Variants in PTPRD observed in about 807,000 individuals in gnomAD.
PTPRD encodes receptor-type tyrosine-protein phosphatase delta.
In PTPRD, 34 loss-of-function variants were observed where a neutral mutation model predicts 214.5. That is an observed-to-expected ratio of 0.16 (90% CI 0.12 to 0.21). The LOEUF (loss-of-function observed/expected upper bound fraction) is 0.21, where lower values mean the gene tolerates loss of function less well. PTPRD is among the 10% of genes least tolerant of loss of function. PTPRD has a pLI of 1.00. For missense variants in PTPRD, 2,545 were observed against 2,398.7 expected (o/e 1.06, Z -1.27); for synonymous variants, 1,128 against 845.7 (o/e 1.33, Z -5.79).
intron 5 of PTPRD, among the ~76,000 whole-genome samples, chr9:9,874,754 C>T (rs933442031): frequency 6.6e-6 from 1 of 152,120 alleles, no homozygotes; most frequent in African/African-American, 2.4e-5. Context: ...TGAATTAATG[C>T]TTATTCACAT....
chr9:8,353,830 A>ATGTGTATATATGTATATATGTATATATG lies in PTPRD; in HGVS notation c.4662-11853_4662-11852insCATATATACATATATACATATATACACA, dbSNP rs139972204. On this transcript the variant is annotated intron_variant, in intron 39 of 45. Transcript: ENST00000381196. ...TTCTCAAAAAAAAATATATGTATAT[A>ATGTGTATATATGTATATATGTATATATG]TGTATATATGTATATATGTATATAT... 1.1e-4 allele frequency among the ~76,000 whole-genome samples: 3 copies of ATGTGTATATATGTATATATGTATATATG among 27,672 alleles called. 1 individual carries two copies. The highest frequency in any genetic ancestry group is 3.5e-4 in the Non-Finnish European group (3 of 8,688). 18.2% of individuals were successfully genotyped at this position (27,672 alleles called of 152,430 possible).
At chr9:9,510,237 A>T (rs916800078) in intron 8 of PTPRD, among the ~76,000 whole-genome samples, 3 of 151,624 alleles carry the variant, frequency 2.0e-5, no homozygotes, top group Non-Finnish European at 4.4e-5. Flanking sequence ...ATGATCCTAC[A>T]TTAAAGTCAT....
chr9:9,356,748 G>A (rs1357514016), intron 9 of PTPRD, among the ~76,000 whole-genome samples: 1 of 151,266 alleles, frequency 6.6e-6, no homozygotes, highest in African/African-American at 2.4e-5. Flanking sequence ...CATTTGCAAA[G>A]ACAATACTCC....
chr9:9,847,267 T>C (rs967618191), intron 5 of PTPRD, among the ~76,000 whole-genome samples: 9 of 152,142 alleles, frequency 5.9e-5, no homozygotes, highest in Non-Finnish European at 1.2e-4. Context: ...TATTTTCACT[T>C]CAATGGGACA....
intron 3 of PTPRD, among the ~76,000 whole-genome samples, chr9:10,144,937 C>A (rs757426978): frequency 6.6e-6 from 1 of 151,614 alleles, no homozygotes; most frequent in Non-Finnish European, 1.5e-5. Flanking sequence ...ACTCAACCAA[C>A]AAGAAAAGTA....
At chr9:9,856,165 T>C (rs2061515640) in intron 5 of PTPRD, among the ~76,000 whole-genome samples, 1 of 152,134 alleles carries the variant, frequency 6.6e-6, no homozygotes, top group Non-Finnish European at 1.5e-5. Context: ...AGTTGCACCG[T>C]CAAGCTGTCC....
At chr9:10,056,784 G>A (rs137937500) in intron 3 of PTPRD, among the ~76,000 whole-genome samples, 20 of 152,150 alleles carry the variant, frequency 1.3e-4, no homozygotes, top group African/African-American at 4.8e-4. Flanking sequence ...TTATATCATG[G>A]GAATAAATTA....
chr9:8,916,113 A>G (rs12551480), intron 11 of PTPRD, among the ~76,000 whole-genome samples: 23,690 of 152,062 alleles, frequency 0.16, 2,143 homozygotes, highest in East Asian at 0.29. Flanking sequence ...GTTTGTGATG[A>G]CTCAGTGACA....
At chr9:10,306,512 CAA>C (rs983298515) in intron 3 of PTPRD, among the ~76,000 whole-genome samples, 14 of 152,046 alleles carry the variant, frequency 9.2e-5, no homozygotes, top group African/African-American at 2.9e-4. Flanking sequence ...CCACACAGAG[CAA>C]AGTTTTTCAA....
intron 11 of PTPRD, among the ~76,000 whole-genome samples, chr9:9,007,461 T>C (rs1450193053): frequency 5.0e-5 from 5 of 99,784 alleles, no homozygotes; most frequent in African/African-American, 1.5e-4. Flanking sequence ...CCCTGAAGAA[T>C]TTTAAAAATA....
At chr9:8,514,355 A>G (rs2097744227) in intron 21 of PTPRD, among the ~76,000 whole-genome samples, 1 of 152,168 alleles carries the variant, frequency 6.6e-6, no homozygotes, top group African/African-American at 2.4e-5. Context: ...TCTTCCTACC[A>G]TCAGAAAATA....
chr9:9,584,141 T>C (rs1475815397), intron 7 of PTPRD, among the ~76,000 whole-genome samples: 1 of 151,860 alleles, frequency 6.6e-6, no homozygotes, highest in Non-Finnish European at 1.5e-5. Context: ...GAAGCTTCAT[T>C]TTAGTAATAC....
intron 9 of PTPRD, among the ~76,000 whole-genome samples, chr9:9,265,034 C>G (rs1340651136): frequency 6.6e-6 from 1 of 151,746 alleles, no homozygotes; most frequent in African/African-American, 2.4e-5. Flanking sequence ...ACAAGAAATG[C>G]TAAAGCATAT....
intron 36 of PTPRD, among the ~76,000 whole-genome samples, chr9:8,402,086 C>G (rs1400181497): frequency 6.6e-6 from 1 of 152,130 alleles, no homozygotes; most frequent in Non-Finnish European, 1.5e-5. Context: ...CTCAAGAATA[C>G]CTGCTGGTTA....
At chr9:10,125,368 T>C (rs1057084713) in intron 3 of PTPRD, among the ~76,000 whole-genome samples, 1 of 150,534 alleles carries the variant, frequency 6.6e-6, no homozygotes, top group Non-Finnish European at 1.5e-5. Flanking sequence ...CATTTCTTTT[T>C]TCTTTTCGTT....
intron 9 of PTPRD, among the ~76,000 whole-genome samples, chr9:9,283,494 T>C (rs1045909476): frequency 1.1e-4 from 17 of 151,436 alleles, no homozygotes; most frequent in Admixed American, 6.0e-4. Context: ...TTATATTTTC[T>C]TTTTTACAGA....
intron 6 of PTPRD, among the ~76,000 whole-genome samples, chr9:9,750,619 C>T (rs1164173654): frequency 6.6e-6 from 1 of 152,074 alleles, no homozygotes; most frequent in Non-Finnish European, 1.5e-5. Context: ...GAGGTTTGCA[C>T]TAGGGGTGTG....
intron 6 of PTPRD, among the ~76,000 whole-genome samples, chr9:9,739,577 C>CT (rs1320067907): frequency 2.6e-5 from 4 of 151,916 alleles, no homozygotes; most frequent in African/African-American, 9.6e-5. Flanking sequence ...CTTGAATCCT[C>CT]TATTTTTTTT....
chr9:8,817,332 T>G (rs147890284), intron 11 of PTPRD, among the ~76,000 whole-genome samples: 2 of 152,364 alleles, frequency 1.3e-5, no homozygotes, highest in East Asian at 1.9e-4. Context: ...CATATTCCTA[T>G]CTTTAATTTT....
Sources: allele counts gnomAD v4.1 joint callset (sites outside exome capture counted in the v4.1 genomes callset), GRCh38; gene constraint gnomAD v4.1.1; transcripts MANE v1.5; gene names NCBI Gene and HGNC (gene_info 2026-07-23, HGNC 2026-07-21).